The following YWHAB variants were observed in gnomAD, a reference collection of about 807,000 sequenced individuals.
YWHAB encodes the protein tyrosine 3-monooxygenase/tryptophan 5-monooxygenase activation protein beta.
A neutral mutation model predicts 28.5 loss-of-function variants in YWHAB; 2 were observed. The ratio of observed to expected loss-of-function variants is 0.07; its 90% CI spans 0.03 to 0.22. The LOEUF is 0.22. Among genes scored for constraint, YWHAB ranks in the 10% least tolerant of loss-of-function variants. The pLI, the probability that YWHAB is intolerant of heterozygous loss-of-function variation, is 1.00. For synonymous variants in YWHAB, 103 were observed against 104.7 expected (o/e 0.98, Z 0.10); for missense variants, 148 against 297.1 (o/e 0.50, Z 3.69).
At chr20:44,896,141 A>G (rs903606440) in intron 1 of YWHAB, among the ~76,000 whole-genome samples, 1 of 152,244 alleles carries the variant, frequency 6.6e-6, no homozygotes, top group Non-Finnish European at 1.5e-5. Flanking sequence ...GTCCCATAGG[A>G]ATAGAATATA....
chr20:44,893,352 C>T (rs1261284849), intron 1 of YWHAB, among the ~76,000 whole-genome samples: 5 of 152,040 alleles, frequency 3.3e-5, no homozygotes, highest in Admixed American at 1.3e-4. Context: ...TGTTTATCTG[C>T]ACTAGTGGTT....
intron 1 of YWHAB, among the ~76,000 whole-genome samples, chr20:44,894,839 G>A (rs1203401477): frequency 6.6e-6 from 1 of 152,356 alleles, no homozygotes; most frequent in African/African-American, 2.4e-5. Flanking sequence ...ACATTGCGCT[G>A]TGACACACAG....
intron 4 of YWHAB, 112 bp from the exon 5 acceptor site, chr20:44,905,889 C>A: frequency 1.4e-6 from 1 of 732,616 alleles, no homozygotes; most frequent in South Asian, 1.8e-5. Flanking sequence ...AGCCTAGGTT[C>A]CCCCAAAGTA....
chr20:44,902,967 G>A, intron 2 of YWHAB: 1 of 825,234 alleles, frequency 1.2e-6, no homozygotes, highest in Non-Finnish European at 1.5e-6. Flanking sequence ...TTCATGAAAT[G>A]TAGACCAACT....
chr20:44,907,902 A>T lies in YWHAB; in HGVS notation c.*1464A>T. The T allele has an allele frequency of 6.6e-6, 1 of 152,536 alleles. No individual in the cohort carries two copies. The allele number at this position is 152,536 out of a possible 1,614,324, so 9.4% of individuals were successfully genotyped here. On this transcript the variant is annotated 3_prime_UTR_variant, in exon 6 of 6. Coordinates refer to ENST00000353703, the MANE Select transcript of YWHAB (RefSeq NM_139323.4). ...TCTCCCTGTATTGAGGCTAGCCCTG[A>T]TCATGCTTTTTGTGCCTGTCACCAG...
intron 1 of YWHAB, among the ~76,000 whole-genome samples, chr20:44,900,229 G>T (rs2066618766): frequency 6.6e-6 from 1 of 152,002 alleles, no homozygotes; most frequent in Non-Finnish European, 1.5e-5. Flanking sequence ...TTCTTCTTTT[G>T]TAGAGATGAA....
chr20:44,898,497 C>CT (rs1405504515), intron 1 of YWHAB, among the ~76,000 whole-genome samples: 9 of 151,204 alleles, frequency 6.0e-5, no homozygotes, highest in Non-Finnish European at 1.2e-4. Flanking sequence ...GGAGGTCATA[C>CT]TTTCTTGTTT....
intron 3 of YWHAB, among the ~76,000 whole-genome samples, chr20:44,904,365 T>C (rs1568637105): frequency 6.6e-6 from 1 of 152,252 alleles, no homozygotes; most frequent in Admixed American, 6.5e-5. Context: ...TTGAGTATTA[T>C]TTGTTAGCTC....
intron 3 of YWHAB, 38 bp from the exon 4 acceptor site, chr20:44,904,930 A>C: frequency 3.2e-6 from 5 of 1,550,614 alleles, no homozygotes; most frequent in Non-Finnish European, 4.4e-6. Flanking sequence ...TACCTATGAA[A>C]GAACCGAGCC....
chr20:44,886,387 C>G (rs1335199465), intron 1 of YWHAB: 5 of 152,262 alleles, frequency 3.3e-5, no homozygotes, highest in African/African-American at 9.6e-5. Flanking sequence ...TGGGAGACAG[C>G]AGTGGGGGAA....
intron 5 of YWHAB, 64 bp downstream of exon 5, chr20:44,906,160 T>TA (rs1240419547): frequency 7.4e-6 from 10 of 1,358,562 alleles, no homozygotes; most frequent in Non-Finnish European, 1.0e-5. Flanking sequence ...AATTCACTGT[T>TA]ATCTTCAAGA....
In YWHAB at chr20:44,904,153, T is replaced by C. The variant is rs1210344757; in HGVS notation, c.424+37T>C. 1.9e-6 allele frequency: 3 copies of C among 1,609,128 alleles called. No homozygotes were observed. The Admixed American group carries it at 5.1e-5, about 27-fold the overall frequency. On this transcript the variant is annotated intron_variant, in intron 3 of 5. Coordinates refer to ENST00000353703, the MANE Select transcript of YWHAB (RefSeq NM_139323.4). The stretch of plus-strand genomic sequence containing the variant: ...CTTTAAAAAGAAATTCGACCAGTAA[T>C]GGAGCCAGTCTTCTTTCACAGGGAC...
At position 44,906,489 on chromosome 20, in the gene YWHAB, A is replaced by T; in HGVS notation, c.*51A>T. On this transcript the variant is annotated 3_prime_UTR_variant, in exon 6 of 6. Coordinates refer to ENST00000353703, the MANE Select transcript of YWHAB (RefSeq NM_139323.4). Reference sequence around the variant, plus strand: ...CAGTGTCACTCTGTACCCTCAACATATATCCCTTGTGCGATAAAAAAAAAA... The same window carrying T: ...CAGTGTCACTCTGTACCCTCAACATTTATCCCTTGTGCGATAAAAAAAAAA... 2.6e-6 allele frequency: 3 copies of T among 1,150,936 alleles called. No individual in the cohort carries two copies. Among genetic ancestry groups the T allele is most frequent in the Non-Finnish European group, 3.7e-6 (3 of 802,672 alleles). 71.3% of individuals were successfully genotyped at this position (1,150,936 alleles called of 1,614,324 possible).
chr20:44,907,985 T>G lies in YWHAB; in HGVS notation c.*1547T>G, dbSNP rs1284590158. On this transcript the variant is annotated 3_prime_UTR_variant, in exon 6 of 6. Transcript: ENST00000353703. Reference sequence around the variant, plus strand: ...CAGATGTGTTTAAGGAGACCCTATATTCAGGGAAGTTGCGTGAACACTGCA... The same window carrying G: ...CAGATGTGTTTAAGGAGACCCTATAGTCAGGGAAGTTGCGTGAACACTGCA... 3 of 152,628 alleles carry G rather than the reference T, an allele frequency of 2.0e-5. No homozygotes were observed. Among genetic ancestry groups the G allele is most frequent in the African/African-American group, 7.2e-5 (3 of 41,450 alleles). The allele number at this position is 152,628 out of a possible 1,614,324, so 9.5% of individuals were successfully genotyped here. A position where few individuals can be genotyped will look rare whatever the true frequency, so the allele number is the denominator to read the frequency against.
intron 1 of YWHAB, among the ~76,000 whole-genome samples, chr20:44,893,041 CCTTT>C (rs1355071204): frequency 1.8e-4 from 27 of 152,122 alleles, no homozygotes; most frequent in African/African-American, 6.3e-4. Context: ...CATTTTCAAC[CCTTT>C]CTGTCTTTGC....
Position 44,906,498 on chromosome 20 carries a change from G to A in YWHAB, c.*60G>A. ...TCTGTACCCTCAACATATATCCCTTGTGCGATAAAAAAAAAAAAAAAAAAA... is the reference window on the plus strand; with the variant it reads ...TCTGTACCCTCAACATATATCCCTTATGCGATAAAAAAAAAAAAAAAAAAA... On this transcript the variant is annotated 3_prime_UTR_variant, in exon 6 of 6. Coordinates refer to ENST00000353703, the MANE Select transcript of YWHAB (RefSeq NM_139323.4). The A allele has an allele frequency of 1.6e-6, 1 of 632,116 alleles. No homozygotes were observed. Among genetic ancestry groups the A allele is most frequent in the Non-Finnish European group, 2.3e-6 (1 of 428,294 alleles). The allele number at this position is 632,116 out of a possible 1,614,324, so 39.2% of individuals were successfully genotyped here. A position where few individuals can be genotyped will look rare whatever the true frequency, so the allele number is the denominator to read the frequency against.
intron 1 of YWHAB, among the ~76,000 whole-genome samples, chr20:44,894,993 A>G (rs1183313930): frequency 6.6e-6 from 1 of 152,258 alleles, no homozygotes; most frequent in African/African-American, 2.4e-5. Flanking sequence ...TGAAACAAAC[A>G]TGAAGCTTTC....
At chr20:44,889,830 AT>A (rs1432115638) in intron 1 of YWHAB, among the ~76,000 whole-genome samples, 5 of 152,220 alleles carry the variant, frequency 3.3e-5, no homozygotes, top group Admixed American at 6.5e-5. Context: ...AAAGTTGACA[AT>A]TCTCTCTTTT....
chr20:44,904,885 T>C, intron 3 of YWHAB, 83 bp from the exon 4 acceptor site: 1 of 1,411,312 alleles, frequency 7.1e-7, no homozygotes, highest in Non-Finnish European at 9.4e-7. Flanking sequence ...AGTTTGGGAC[T>C]GAGAAAATAA....
Sources: gnomAD v4.1 joint callset for allele counts (sites outside exome capture counted in the v4.1 genomes callset) on GRCh38, gnomAD v4.1.1 for gene constraint, MANE v1.5 for transcripts, NCBI Gene and HGNC (gene_info 2026-07-23, HGNC 2026-07-21) for gene names.